ADCYAP1R1: variants seen among roughly 807,000 people sequenced by gnomAD.
The protein encoded by ADCYAP1R1 is ADCYAP receptor type I.
In ADCYAP1R1, 44 loss-of-function variants were observed where a neutral mutation model predicts 67.6. The ratio of observed to expected loss-of-function variants is 0.65; its 90% CI spans 0.51 to 0.84. The LOEUF is 0.84. ADCYAP1R1 is among the 40% of genes least tolerant of loss of function. The probability of loss-of-function intolerance (pLI) is 0.00; values close to 1 mark genes in which losing one functional copy is unlikely to be tolerated. For synonymous variants in ADCYAP1R1, 222 were observed against 219.6 expected, an observed-to-expected ratio of 1.01 and a Z score of -0.10; for missense variants, 477 against 587.9, an observed-to-expected ratio of 0.81 and a Z score of 1.95.
chr7:31,106,813 G>C lies in ADCYAP1R1; in HGVS notation c.*129G>C, dbSNP rs530027628. 1.3e-4 allele frequency: 147 copies of C among 1,154,030 alleles called. No homozygotes were observed. Among genetic ancestry groups the C allele is most frequent in the Middle Eastern group, 3.0e-4 (1 of 3,342 alleles). 71.5% of individuals were successfully genotyped at this position (1,154,030 alleles called of 1,614,324 possible). Reference sequence around the variant, plus strand: ...TGGGCTGGAAGCTTGGCTCCTGAGGGGGGAGAAGGAGGCAGGGCACAGACT... The same window carrying C: ...TGGGCTGGAAGCTTGGCTCCTGAGGCGGGAGAAGGAGGCAGGGCACAGACT... On this transcript the variant is annotated 3_prime_UTR_variant, in exon 16 of 16. Coordinates refer to ENST00000304166, the MANE Select transcript of ADCYAP1R1 (RefSeq NM_001118.5).
intron 13 of ADCYAP1R1, among the ~76,000 whole-genome samples, chr7:31,098,162 A>G (rs989247665): frequency 1.3e-5 from 2 of 152,184 alleles, no homozygotes; most frequent in African/African-American, 4.8e-5. Context: ...TCGGCCTCCC[A>G]AAGTGCTGGG....
At chr7:31,097,149 T>C (rs749930295) in intron 13 of ADCYAP1R1, among the ~76,000 whole-genome samples, 3 of 152,204 alleles carry the variant, frequency 2.0e-5, no homozygotes, top group Admixed American at 6.5e-5. Flanking sequence ...AGGCCAAGGC[T>C]CTCTGAAAGG....
chr7:31,061,513 C>T (rs1277648907), intron 1 of ADCYAP1R1, among the ~76,000 whole-genome samples: 1 of 152,120 alleles, frequency 6.6e-6, no homozygotes, highest in Non-Finnish European at 1.5e-5. Context: ...AGTGCTGAGG[C>T]CAGTGCTTGC....
chr7:31,083,912 G>T (rs1316660745), intron 6 of ADCYAP1R1, among the ~76,000 whole-genome samples: 1 of 152,208 alleles, frequency 6.6e-6, no homozygotes, highest in African/African-American at 2.4e-5. Context: ...GGGATGCAGG[G>T]ATGCTGGATT....
chr7:31,107,778 C>G lies in ADCYAP1R1; in HGVS notation c.*1094C>G, dbSNP rs1219144265. On this transcript the variant is annotated 3_prime_UTR_variant, in exon 16 of 16. Coordinates refer to ENST00000304166, the MANE Select transcript of ADCYAP1R1 (RefSeq NM_001118.5). ...GAGCCCCAGACACCAGCTCCTCTGG[C>G]CTGGACTCAACTATTGAAATCTCTC... 3.9e-5 allele frequency: 6 copies of G among 152,360 alleles called. No individual in the cohort carries two copies. Among genetic ancestry groups the G allele is most frequent in the African/African-American group, 1.4e-4 (6 of 41,460 alleles). The allele number at this position is 152,360 out of a possible 1,614,324, so 9.4% of individuals were successfully genotyped here. A position where few individuals can be genotyped will look rare whatever the true frequency, so the allele number is the denominator to read the frequency against.
At chr7:31,062,313 T>C (rs1168531836) in intron 1 of ADCYAP1R1, among the ~76,000 whole-genome samples, 6 of 152,172 alleles carry the variant, frequency 3.9e-5, no homozygotes, top group Admixed American at 3.9e-4. Context: ...CTTGCAGGCC[T>C]GCCCCCTTGG....
intron 13 of ADCYAP1R1, among the ~76,000 whole-genome samples, chr7:31,096,778 G>A (rs1299248789): frequency 3.3e-5 from 5 of 152,116 alleles, no homozygotes; most frequent in African/African-American, 7.2e-5. Flanking sequence ...GGCTCCGGGG[G>A]TGCACAGCAT....
chr7:31,081,496 G>A (rs968311134), intron 5 of ADCYAP1R1, among the ~76,000 whole-genome samples: 1 of 152,162 alleles, frequency 6.6e-6, no homozygotes, highest in African/African-American at 2.4e-5. Context: ...GGACCATCCT[G>A]AACGTCACAG....
At chr7:31,094,753 T>A (rs2128635339) in intron 13 of ADCYAP1R1, among the ~76,000 whole-genome samples, 1 of 152,256 alleles carries the variant, frequency 6.6e-6, no homozygotes. Context: ...TCTTGTTAGG[T>A]CTTCCTCATG....
Position 31,105,032 on chromosome 7 carries a change from C to T in ADCYAP1R1, c.1218+123C>T. 7 of 1,017,910 alleles carry T rather than the reference C, an allele frequency of 6.9e-6. No individual in the cohort carries two copies. In the South Asian group the frequency reaches 9.1e-5, roughly 13 times the overall value. The allele number at this position is 1,017,910 out of a possible 1,614,324, so 63.1% of individuals were successfully genotyped here. A position where few individuals can be genotyped will look rare whatever the true frequency, so the allele number is the denominator to read the frequency against. On this transcript the variant is annotated intron_variant, in intron 15 of 15. Coordinates refer to ENST00000304166, the MANE Select transcript of ADCYAP1R1 (RefSeq NM_001118.5). ...AGAGAGGGCTCTGCCAGGCTCCCAG[C>T]ACTGAGAGGAGGGGCTGGTCATACA...
intron 12 of ADCYAP1R1, among the ~76,000 whole-genome samples, chr7:31,089,033 T>C (rs527496029): frequency 1.3e-5 from 2 of 152,310 alleles, no homozygotes; most frequent in African/African-American, 4.8e-5. Flanking sequence ...AGAGTCATTT[T>C]GGTTAAGTTT....
At chr7:31,055,266 C>G (rs1794191015) in intron 1 of ADCYAP1R1, among the ~76,000 whole-genome samples, 1 of 151,806 alleles carries the variant, frequency 6.6e-6, no homozygotes, top group East Asian at 1.9e-4. Flanking sequence ...AGATATTTGC[C>G]CAAAGATCAC....
chr7:31,100,887 A>ATT (rs1282001362), intron 13 of ADCYAP1R1, among the ~76,000 whole-genome samples: 5 of 152,222 alleles, frequency 3.3e-5, no homozygotes, highest in Non-Finnish European at 7.3e-5. Context: ...TCCCCTGGGC[A>ATT]GCCCACTGTT....
intron 5 of ADCYAP1R1, 90 bp from the exon 6 acceptor site, chr7:31,081,623 G>C: frequency 1.9e-6 from 2 of 1,055,732 alleles, no homozygotes; most frequent in South Asian, 3.5e-5. Flanking sequence ...CTGTAGACCA[G>C]GGGTAGCCTG....
At chr7:31,055,574 T>C (rs1794204650) in intron 1 of ADCYAP1R1, among the ~76,000 whole-genome samples, 1 of 152,228 alleles carries the variant, frequency 6.6e-6, no homozygotes, top group Non-Finnish European at 1.5e-5. Flanking sequence ...ACATTTTGCC[T>C]GTGTCGTGAA....
chr7:31,073,160 A>G (rs1045637503), intron 3 of ADCYAP1R1, among the ~76,000 whole-genome samples: 1 of 152,198 alleles, frequency 6.6e-6, no homozygotes, highest in Non-Finnish European at 1.5e-5. Context: ...AGCAGTAGGG[A>G]ATGAGTACAC....
chr7:31,052,586 C>T lies in ADCYAP1R1; in HGVS notation c.-164C>T, dbSNP rs1371209001. On this transcript the variant is annotated 5_prime_UTR_variant, in exon 1 of 16. Transcript: ENST00000304166. ...CGCGCGCTCCTCGGCGCACACGCTCCCCATCCCCGCGCCGCGCGGGCCGCG... is the reference window on the plus strand; with the variant it reads ...CGCGCGCTCCTCGGCGCACACGCTCTCCATCCCCGCGCCGCGCGGGCCGCG... 1.3e-5 allele frequency: 2 copies of T among 150,068 alleles called. No individual in the cohort carries two copies. The highest frequency in any genetic ancestry group is 3.0e-5 in the Non-Finnish European group (2 of 67,346). 9.3% of individuals were successfully genotyped at this position (150,068 alleles called of 1,614,324 possible).
chr7:31,076,851 A>C (rs1399400479), intron 3 of ADCYAP1R1, among the ~76,000 whole-genome samples: 2 of 152,090 alleles, frequency 1.3e-5, no homozygotes, highest in Non-Finnish European at 2.9e-5. Context: ...TGGGACCCTC[A>C]GTGGTGGCTG....
chr7:31,057,812 C>G (rs1794316700), intron 1 of ADCYAP1R1, among the ~76,000 whole-genome samples: 1 of 152,208 alleles, frequency 6.6e-6, no homozygotes, highest in African/African-American at 2.4e-5. Flanking sequence ...GCTCCCCTGT[C>G]ATGAGTAAAT....
Sources: gnomAD v4.1 joint callset for allele counts (sites outside exome capture counted in the v4.1 genomes callset) on GRCh38, gnomAD v4.1.1 for gene constraint, MANE v1.5 for transcripts, NCBI Gene and HGNC (gene_info 2026-07-23, HGNC 2026-07-21) for gene names.